STARD13: variants seen among roughly 807,000 people sequenced by gnomAD.
STARD13 encodes stAR-related lipid transfer protein 13.
In STARD13, 62 loss-of-function variants were observed where a neutral mutation model predicts 106.4. The observed-to-expected ratio is 0.58, with a 90% CI of 0.48 to 0.72. STARD13 has a LOEUF of 0.72. STARD13 is among the 30% of genes least tolerant of loss of function. STARD13 has a pLI of 0.00. For missense variants in STARD13, 1,387 were observed against 1,424.0 expected (o/e 0.97, Z 0.42); for synonymous variants, 565 against 553.0 (o/e 1.02, Z -0.31).
At chr13:33,463,211 C>G in the STARD13 span, among the ~76,000 whole-genome samples, 1 of 152,078 alleles carries the variant, frequency 6.6e-6, no homozygotes, top group Non-Finnish European at 1.5e-5. Context: ...TATTGAAGTG[C>G]CAGAGCACAG....
At chr13:33,124,454 C>G (rs1876839710) in intron 7 of STARD13, among the ~76,000 whole-genome samples, 1 of 152,152 alleles carries the variant, frequency 6.6e-6, no homozygotes, top group Admixed American at 6.5e-5. Flanking sequence ...TCCTCCAAGC[C>G]TTTGCCGGCA....
At chr13:33,232,243 G>A (rs1026448674) in intron 1 of STARD13, among the ~76,000 whole-genome samples, 1 of 152,144 alleles carries the variant, frequency 6.6e-6, no homozygotes, top group Admixed American at 6.5e-5. Context: ...AACCCGGGAG[G>A]TGGAGGTTGC....
chr13:33,544,862 C>A, the STARD13 span, among the ~76,000 whole-genome samples: 1 of 150,886 alleles, frequency 6.6e-6, no homozygotes, highest in Non-Finnish European at 1.5e-5. Context: ...CAATCTCTGC[C>A]TCCCGGGTTC....
At chr13:33,175,535 CT>C (rs1210531487) in intron 1 of STARD13, among the ~76,000 whole-genome samples, 1 of 152,176 alleles carries the variant, frequency 6.6e-6, no homozygotes, top group Admixed American at 6.5e-5. Flanking sequence ...TCTCCAGCTT[CT>C]GTAGGAAAGG....
the STARD13 span, among the ~76,000 whole-genome samples, chr13:33,588,196 C>G: frequency 6.6e-6 from 1 of 152,160 alleles, no homozygotes; most frequent in Non-Finnish European, 1.5e-5. Flanking sequence ...AAGACTATAT[C>G]TTATTCCTTC....
intron 1 of STARD13, among the ~76,000 whole-genome samples, chr13:33,309,790 T>G (rs1893061869): frequency 6.6e-6 from 1 of 152,174 alleles, no homozygotes; most frequent in South Asian, 2.1e-4. Context: ...CCACTGGGAA[T>G]GAATGTATGG....
At chr13:33,212,315 G>A (rs1033590490) in intron 1 of STARD13, among the ~76,000 whole-genome samples, 7 of 152,160 alleles carry the variant, frequency 4.6e-5, no homozygotes, top group East Asian at 1.9e-4. Flanking sequence ...GTCTTACTTC[G>A]TGACCAACTG....
chr13:33,229,756 C>T (rs1465833491), intron 1 of STARD13, among the ~76,000 whole-genome samples: 1 of 152,210 alleles, frequency 6.6e-6, no homozygotes. Flanking sequence ...AATATTCCCT[C>T]AGAAGCTTGT....
intron 12 of STARD13, 104 bp downstream of exon 12, chr13:33,109,769 G>T: frequency 9.4e-7 from 1 of 1,062,784 alleles, no homozygotes; most frequent in Non-Finnish European, 1.4e-6. Context: ...AGTGTTCCCC[G>T]TGGAGGCTGG....
At chr13:33,371,185 A>C in the STARD13 span, among the ~76,000 whole-genome samples, 3 of 152,144 alleles carry the variant, frequency 2.0e-5, no homozygotes, top group Non-Finnish European at 4.4e-5. Context: ...TCTCACCCTT[A>C]CTAACATCTG....
At chr13:33,180,305 C>T (rs1885107749) in intron 1 of STARD13, 1 of 152,124 alleles carries the variant, frequency 6.6e-6, no homozygotes, top group Admixed American at 6.5e-5. Flanking sequence ...CTGGGGAAGA[C>T]AGTATTGCGA....
At chr13:33,413,958 G>A in the STARD13 span, among the ~76,000 whole-genome samples, 2 of 146,470 alleles carry the variant, frequency 1.4e-5, no homozygotes, top group South Asian at 4.3e-4. Context: ...GCTTGAACCT[G>A]GGAGGCAGAG....
intron 7 of STARD13, among the ~76,000 whole-genome samples, chr13:33,118,949 G>A (rs1176888081): frequency 2.0e-5 from 3 of 152,056 alleles, no homozygotes; most frequent in African/African-American, 7.2e-5. Context: ...TGATTCCTGG[G>A]TGGCTTTTTT....
the STARD13 span, among the ~76,000 whole-genome samples, chr13:33,393,903 T>C: frequency 6.6e-6 from 1 of 152,232 alleles, no homozygotes; most frequent in Non-Finnish European, 1.5e-5. Flanking sequence ...TGTTTTCACA[T>C]ATTCCTCTAA....
chr13:33,459,061 CT>C, the STARD13 span, among the ~76,000 whole-genome samples: 1 of 152,138 alleles, frequency 6.6e-6, no homozygotes, highest in Non-Finnish European at 1.5e-5. Context: ...TTATTTTAAT[CT>C]TGCTGTCTTT....
At chr13:33,167,107 G>C (rs1012878996) in intron 2 of STARD13, among the ~76,000 whole-genome samples, 9 of 151,966 alleles carry the variant, frequency 5.9e-5, no homozygotes, top group African/African-American at 2.2e-4. Context: ...GTTATATCTT[G>C]ACATTTTTCA....
chr13:33,364,819 G>A, the STARD13 span, among the ~76,000 whole-genome samples: 1 of 152,146 alleles, frequency 6.6e-6, no homozygotes, highest in Non-Finnish European at 1.5e-5. Flanking sequence ...AACCCGGGAG[G>A]CGGAGCTTGC....
the STARD13 span, among the ~76,000 whole-genome samples, chr13:33,395,876 C>A: frequency 6.6e-6 from 1 of 152,140 alleles, no homozygotes; most frequent in African/African-American, 2.4e-5. Flanking sequence ...GGGGTCTCAT[C>A]TGTCACCTAG....
chr13:33,395,201 T>C, the STARD13 span, among the ~76,000 whole-genome samples: 1 of 152,222 alleles, frequency 6.6e-6, no homozygotes, highest in Non-Finnish European at 1.5e-5. Context: ...TAATACCTTA[T>C]AGTTCAAAGT....
Sources: gnomAD v4.1 joint callset for allele counts (sites outside exome capture counted in the v4.1 genomes callset) on GRCh38, gnomAD v4.1.1 for gene constraint, MANE v1.5 for transcripts, NCBI Gene and HGNC (gene_info 2026-07-23, HGNC 2026-07-21) for gene names.